The following SH3TC2 variants were observed in gnomAD, a reference collection of about 807,000 sequenced individuals.
SH3TC2 encodes SH3 domain and tetratricopeptide repeat-containing protein 2.
In SH3TC2, 87 loss-of-function variants were observed where a neutral mutation model predicts 124.5. That is an observed-to-expected ratio of 0.70 (90% CI 0.59 to 0.84). SH3TC2 has a LOEUF of 0.84. Ranked by LOEUF, SH3TC2 falls within the 40% of genes least tolerant of loss-of-function variation. The probability of loss-of-function intolerance (pLI) is 0.00; values close to 1 mark genes in which losing one functional copy is unlikely to be tolerated. For missense variants in SH3TC2, 1,536 were observed against 1,566.4 expected, an observed-to-expected ratio of 0.98 and a Z score of 0.33; for synonymous variants, 634 against 628.5, an observed-to-expected ratio of 1.01 and a Z score of -0.13.
At chr5:149,052,061 G>T (rs1754566258) in intron 2 of SH3TC2, 81 bp downstream of exon 2, 2 of 977,632 alleles carry the variant, frequency 2.0e-6, no homozygotes, top group East Asian at 4.8e-5. Flanking sequence ...AAGAGGGAGG[G>T]GCTCTTTAGA....
Position 149,001,387 on chromosome 5 carries a change from G to A in SH3TC2, c.*3324C>T, listed in dbSNP as rs1044522239. 1 of 152,096 alleles carries A rather than the reference G, an allele frequency of 6.6e-6. No homozygotes were observed. Among genetic ancestry groups the A allele is most frequent in the African/African-American group, 2.4e-5 (1 of 41,412 alleles). The allele number at this position is 152,096 out of a possible 1,614,324, so 9.4% of individuals were successfully genotyped here. On this transcript the variant is annotated 3_prime_UTR_variant, in exon 17 of 17. Transcript: ENST00000515425. ...GTTCTTTATTTAGATTAGATGTAAG[G>A]AGCCAGCAGTCACACAGCCCATATA...
chr5:149,034,001 G>A (rs776140340), intron 8 of SH3TC2, among the ~76,000 whole-genome samples: 3 of 151,990 alleles, frequency 2.0e-5, no homozygotes, highest in South Asian at 2.1e-4. Flanking sequence ...TATTCACAAC[G>A]AGAGCCAGCA....
chr5:149,026,305 T>G, intron 12 of SH3TC2: 1 of 512,764 alleles, frequency 2.0e-6, no homozygotes. Flanking sequence ...AACTCATTTA[T>G]CCTTCACAAT....
chr5:148,983,665 T>C lies in SH3TC2; in HGVS notation c.*21046A>G, dbSNP rs1268776438. Among the ~76,000 whole-genome samples the C allele has an allele frequency of 6.6e-6, 1 of 151,086 alleles. No individual in the cohort carries two copies. Among genetic ancestry groups the C allele is most frequent in the Non-Finnish European group, 1.5e-5 (1 of 67,778 alleles). The stretch of plus-strand genomic sequence containing the variant: ...CCCTACCCCGCACCCCATTAGCCCC[T>C]GTCTGTGTTCTCTAGCCCTGAATTC... On this transcript the variant is annotated 3_prime_UTR_variant, in exon 17 of 17. Coordinates refer to ENST00000515425, the MANE Select transcript of SH3TC2 (RefSeq NM_024577.4).
At chr5:149,033,052 T>C (rs1401388163) in intron 8 of SH3TC2, among the ~76,000 whole-genome samples, 1 of 152,230 alleles carries the variant, frequency 6.6e-6, no homozygotes, top group African/African-American at 2.4e-5. Context: ...ATAACAACTT[T>C]ATGGTGCAGG....
intron 10 of SH3TC2, 24 bp from the exon 11 acceptor site, chr5:149,028,578 C>G: frequency 6.2e-7 from 1 of 1,614,172 alleles, no homozygotes; most frequent in Non-Finnish European, 8.5e-7. Flanking sequence ...CAAAGTTGAG[C>G]AACCTTGGGC....
rs374858190 is a variant in SH3TC2 at position 149,047,843 on chromosome 5, C to T, written c.279+19G>A. On this transcript the variant is annotated intron_variant, in intron 3 of 16. Transcript: ENST00000515425. ...ACACAAGTCAGTACTCAGCATTCAC[C>T]TGTTTCCTTCATGCTCACCTTAAAC... is the stretch of plus-strand genomic sequence containing the variant. 7 of 1,613,566 alleles carry T rather than the reference C, an allele frequency of 4.3e-6. No homozygotes were observed. The African/African-American group carries it at 9.3e-5, about 22-fold the overall frequency.
chr5:149,023,601 T>TTTTTTTTTTTTTTA (rs1754014057), intron 12 of SH3TC2, among the ~76,000 whole-genome samples: 2 of 107,904 alleles, frequency 1.9e-5, no homozygotes, highest in African/African-American at 3.3e-5. Flanking sequence ...TTTTTTTTTT[T>TTTTTTTTTTTTTTA]GAGAGACAGT....
chr5:149,050,883 ATTGTAG>A (rs1456572497), intron 2 of SH3TC2, among the ~76,000 whole-genome samples: 1 of 152,186 alleles, frequency 6.6e-6, no homozygotes, highest in African/African-American at 2.4e-5. Flanking sequence ...GTGAAGGAGC[ATTGTAG>A]TTTTGAACAA....
chr5:149,007,125 A>G (rs1484482058), intron 15 of SH3TC2, 48 bp from the exon 16 acceptor site: 2 of 1,581,040 alleles, frequency 1.3e-6, no homozygotes, highest in South Asian at 2.2e-5. Flanking sequence ...AACACTTTGC[A>G]TCATTTGTTC....
chr5:149,010,025 A>G (rs1227412747), intron 14 of SH3TC2, among the ~76,000 whole-genome samples: 2 of 152,206 alleles, frequency 1.3e-5, no homozygotes, highest in Non-Finnish European at 2.9e-5. Flanking sequence ...CCTGGACTCA[A>G]TTATTTTGAT....
At position 148,992,310 on chromosome 5, in the gene SH3TC2, G is replaced by C. The variant is rs541966418; in HGVS notation, c.*12401C>G. Among the ~76,000 whole-genome samples the C allele has an allele frequency of 3.9e-5, 6 of 152,162 alleles. No homozygotes were observed. Among genetic ancestry groups the C allele is most frequent in the Non-Finnish European group, 8.8e-5 (6 of 68,020 alleles). Reference sequence around the variant, plus strand: ...GCTCTTAACCATTCATAATATTAATGAAAACACTAAGAAACCAACAATGCA... The same window carrying C: ...GCTCTTAACCATTCATAATATTAATCAAAACACTAAGAAACCAACAATGCA... On this transcript the variant is annotated 3_prime_UTR_variant, in exon 17 of 17. Transcript: ENST00000515425.
rs1753454955 is a variant in SH3TC2, at chr5:148,993,534, G to A, written c.*11177C>T. 6.6e-6 allele frequency among the ~76,000 whole-genome samples: 1 copy of A among 152,110 alleles called. No homozygotes were observed. ...CTTGATAAAAATTCAGCCATTATTG[G>A]TGTTTTTAATGTTGTAGTTATAAGC... On this transcript the variant is annotated 3_prime_UTR_variant, in exon 17 of 17. Coordinates refer to ENST00000515425, the MANE Select transcript of SH3TC2 (RefSeq NM_024577.4).
rs780777249 is a variant in SH3TC2, at chr5:149,040,620, T to C, written c.789A>G (p.Thr263=). The C allele has an allele frequency of 1.1e-5, 18 of 1,613,968 alleles. No homozygotes were observed. The Admixed American group carries it at 2.8e-4, about 25-fold the overall frequency. Residue 263 remains threonine (T), a synonymous_variant, in exon 7 of 17, where the codon ACA becomes ACG. Transcript: ENST00000515425. ...CAGCCATACCAATCTGATAGGAGCC[T>C]GTCCAATCCCTCTTCCTGGAAAGGC... ...SCGLSRKRDW[T]GSYQIGRGRC... is the part of the protein sequence containing the mutation.
At position 148,989,579 on chromosome 5, in the gene SH3TC2, T is replaced by C. The variant is rs953431828; in HGVS notation, c.*15132A>G. ...AGGACTTACATGTGAGTTTTGGGGA[T>C]TGCAAAGTGTTGACATTTTCAGACC... On this transcript the variant is annotated 3_prime_UTR_variant, in exon 17 of 17. Transcript: ENST00000515425. Among the ~76,000 whole-genome samples, 2 of 152,244 alleles carry C rather than the reference T, an allele frequency of 1.3e-5. No individual in the cohort carries two copies. Among genetic ancestry groups the C allele is most frequent in the African/African-American group, 2.4e-5 (1 of 41,474 alleles).
intron 1 of SH3TC2, among the ~76,000 whole-genome samples, chr5:149,053,120 C>A (rs1308999867): frequency 6.6e-6 from 1 of 152,154 alleles, no homozygotes; most frequent in Non-Finnish European, 1.5e-5. Context: ...TTGGCTCAAC[C>A]ACTATTTGTG....
intron 1 of SH3TC2, among the ~76,000 whole-genome samples, chr5:149,053,817 C>T (rs1754597566): frequency 6.6e-6 from 1 of 151,840 alleles, no homozygotes; most frequent in Non-Finnish European, 1.5e-5. Flanking sequence ...AATATTGCTT[C>T]ATCCCAGCTA....
At chr5:149,039,631 A>T (rs1754336480) in intron 7 of SH3TC2, among the ~76,000 whole-genome samples, 1 of 152,162 alleles carries the variant, frequency 6.6e-6, no homozygotes, top group South Asian at 2.1e-4. Context: ...TGATTTATGG[A>T]TGTCATTTTG....
At chr5:149,004,966 G>A (rs1753661589) in intron 16 of SH3TC2, 64 bp from the exon 17 acceptor site, 1 of 1,578,014 alleles carries the variant, frequency 6.3e-7, no homozygotes, top group Non-Finnish European at 8.7e-7. Context: ...GACAGGCTAG[G>A]AGGCTGTGCT....
Sources: allele counts gnomAD v4.1 joint callset (sites outside exome capture counted in the v4.1 genomes callset), GRCh38; gene constraint gnomAD v4.1.1; transcripts MANE v1.5; gene names NCBI Gene and HGNC (gene_info 2026-07-23, HGNC 2026-07-21).